Variants in MAFB observed in about 807,000 individuals in gnomAD.
The protein encoded by MAFB is transcription factor MafB.
In MAFB, 3 loss-of-function variants were observed where a neutral mutation model predicts 17.7. That is an observed-to-expected ratio of 0.17 (90% CI 0.08 to 0.44). MAFB has a LOEUF of 0.44. Ranked by LOEUF, MAFB falls within the 20% of genes least tolerant of loss-of-function variation. MAFB has a pLI of 0.99. For synonymous variants in MAFB, 214 were observed against 211.5 expected (o/e 1.01, Z -0.10); for missense variants, 355 against 461.3 (o/e 0.77, Z 2.11).
chr20:40,686,314 C>A lies in MAFB; in HGVS notation c.*1565G>T. ...AAAAAAAAGTAATAATAAAGAAAAACACCCATATCTTCCCTATAACTACTA... is the reference window on the plus strand; with the variant it reads ...AAAAAAAAGTAATAATAAAGAAAAAAACCCATATCTTCCCTATAACTACTA... On this transcript the variant is annotated 3_prime_UTR_variant, in exon 1 of 1. Coordinates refer to ENST00000373313, the MANE Select transcript of MAFB (RefSeq NM_005461.5). 1 of 232,804 alleles carries A rather than the reference C, an allele frequency of 4.3e-6. No individual in the cohort carries two copies. Among genetic ancestry groups the A allele is most frequent in the Non-Finnish European group, 8.4e-6 (1 of 118,610 alleles). 14.4% of individuals were successfully genotyped at this position (232,804 alleles called of 1,614,324 possible). A position where few individuals can be genotyped will look rare whatever the true frequency, so the allele number is the denominator to read the frequency against.
rs367822860 is a variant in MAFB, at chr20:40,686,746, C to T, written c.*1133G>A. 2 of 398,608 alleles carry T rather than the reference C, an allele frequency of 5.0e-6. No individual in the cohort carries two copies. Among genetic ancestry groups the T allele is most frequent in the South Asian group, 1.3e-4 (1 of 7,852 alleles). 24.7% of individuals were successfully genotyped at this position (398,608 alleles called of 1,614,324 possible). A position where few individuals can be genotyped will look rare whatever the true frequency, so the allele number is the denominator to read the frequency against. The stretch of plus-strand genomic sequence containing the variant: ...TAGTCCAGAACACTCCTCTGGGGTG[C>T]GGAGCTTGGCAGCTTCCCTGCCCTG... On this transcript the variant is annotated 3_prime_UTR_variant, in exon 1 of 1. Transcript: ENST00000373313.
In MAFB at chr20:40,686,797, G is replaced by C. The variant is rs889682257; in HGVS notation, c.*1082C>G. 1.0e-5 allele frequency: 4 copies of C among 398,502 alleles called. No individual in the cohort carries two copies. The highest frequency in any genetic ancestry group is 1.8e-5 in the Non-Finnish European group (4 of 226,076). 24.7% of individuals were successfully genotyped at this position (398,502 alleles called of 1,614,324 possible). On this transcript the variant is annotated 3_prime_UTR_variant, in exon 1 of 1. Coordinates refer to ENST00000373313, the MANE Select transcript of MAFB (RefSeq NM_005461.5). ...CCCTGCCCTTGTACTGGGACCTCTC[G>C]GTTCTCTCTCTCAGCACCAACAAGG...
rs561128624 is a variant in MAFB, at chr20:40,687,102, G to A, written c.*777C>T. 2.5e-6 allele frequency: 1 copy of A among 398,954 alleles called. No homozygotes were observed. The highest frequency in any genetic ancestry group is 1.3e-4 in the South Asian group (1 of 7,850). The allele number at this position is 398,954 out of a possible 1,614,324, so 24.7% of individuals were successfully genotyped here. A position where few individuals can be genotyped will look rare whatever the true frequency, so the allele number is the denominator to read the frequency against. On this transcript the variant is annotated 3_prime_UTR_variant, in exon 1 of 1. Coordinates refer to ENST00000373313, the MANE Select transcript of MAFB (RefSeq NM_005461.5). ...ACTGAAACCCCGCACGCAGCCGCCGGAGTTTCCAAACTGCGATCCCTTCTC... is the reference window on the plus strand; with the variant it reads ...ACTGAAACCCCGCACGCAGCCGCCGAAGTTTCCAAACTGCGATCCCTTCTC...
rs1428574682 is a variant in MAFB at position 40,687,035 on chromosome 20, A to G, written c.*844T>C. 5.0e-6 allele frequency: 2 copies of G among 398,714 alleles called. No homozygotes were observed. Among genetic ancestry groups the G allele is most frequent in the African/African-American group, 2.1e-5 (1 of 48,526 alleles). 24.7% of individuals were successfully genotyped at this position (398,714 alleles called of 1,614,324 possible). On this transcript the variant is annotated 3_prime_UTR_variant, in exon 1 of 1. Coordinates refer to ENST00000373313, the MANE Select transcript of MAFB (RefSeq NM_005461.5). Reference sequence around the variant, plus strand: ...CCCTCAGCTTGCTGCCACGTTCTCTATGCGGTTTGGCGGGGCGGGTATTTA... The same window carrying G: ...CCCTCAGCTTGCTGCCACGTTCTCTGTGCGGTTTGGCGGGGCGGGTATTTA...
At position 40,687,590 on chromosome 20, in the gene MAFB, TG is replaced by T; in HGVS notation, c.*288del. 3.6e-6 allele frequency: 2 copies of T among 557,090 alleles called. No homozygotes were observed. Among genetic ancestry groups the T allele is most frequent in the Non-Finnish European group, 6.4e-6 (2 of 313,360 alleles). The allele number at this position is 557,090 out of a possible 1,614,324, so 34.5% of individuals were successfully genotyped here. ...GACTATGCCTCGCCGCCCTTCAGCC[TG>T]GAGAGAAGTTACTCCGGGACCTCCC... On this transcript the variant is annotated 3_prime_UTR_variant, in exon 1 of 1. Transcript: ENST00000373313.
Position 40,689,074 on chromosome 20 carries a change from C to G in MAFB, c.-224G>C. On this transcript the variant is annotated 5_prime_UTR_variant, in exon 1 of 1. Coordinates refer to ENST00000373313, the MANE Select transcript of MAFB (RefSeq NM_005461.5). ...GCCCCAGAGCTCTGGGCTGTGCCCG[C>G]GCAGGGACCGGGCCGGGTAGAGTCG... 2 of 543,786 alleles carry G rather than the reference C, an allele frequency of 3.7e-6. No individual in the cohort carries two copies. Among genetic ancestry groups the G allele is most frequent in the Admixed American group, 8.8e-5 (2 of 22,634 alleles). 33.7% of individuals were successfully genotyped at this position (543,786 alleles called of 1,614,324 possible).
In MAFB at chr20:40,688,459, T is replaced by C. The variant is rs1986892096; in HGVS notation, c.392A>G (p.His131Arg). ...AGGGTGGTGGTGATGGTGGTGGTGG[T>C]GAGCGCCGCGAAAGCTGTCGAAGCT... is the stretch of plus-strand genomic sequence containing the variant. ...LQSFDSFRGA[H>R]HHHHHHHPHP... Residue 131 changes from histidine (H) to arginine (R), a missense_variant, in exon 1 of 1, where the codon CAC becomes CGC. Coordinates refer to ENST00000373313, the MANE Select transcript of MAFB (RefSeq NM_005461.5). 1.2e-6 allele frequency: 2 copies of C among 1,603,422 alleles called. No individual in the cohort carries two copies. The highest frequency in any genetic ancestry group is 1.7e-6 in the Non-Finnish European group (2 of 1,178,424).
chr20:40,688,605 G>C lies in MAFB; in HGVS notation c.246C>G (p.Leu82=), dbSNP rs1338524617. 1 of 1,614,096 alleles carries C rather than the reference G, an allele frequency of 6.2e-7. No homozygotes were observed. The highest frequency in any genetic ancestry group is 1.3e-5 in the African/African-American group (1 of 75,052). ...TGCTCGCCATCCAGTACAGATCCTC[G>C]AGGTGTGTCTTCTGTTCGGTCGGGC... ...SFSPTEQKTH[L]EDLYWMASNY... is the part of the protein sequence containing the mutation. Residue 82 remains leucine, a synonymous_variant, in exon 1 of 1, where the codon CTC becomes CTG. Transcript: ENST00000373313.
At position 40,688,635 on chromosome 20, in the gene MAFB, GC is replaced by G; in HGVS notation, c.215del (p.Ser72ThrfsTer24). ...GTGTCTTCTGTTCGGTCGGGCTGAAGCTGGGCGACGAGGGCACGGAGCTACA... is the reference window on the plus strand; with the variant it reads ...GTGTCTTCTGTTCGGTCGGGCTGAAGTGGGCGACGAGGGCACGGAGCTACA... ...TPCSSVPSSP[S>X]FSPTEQKTHL... On this transcript the variant is annotated frameshift_variant, in exon 1 of 1. Transcript: ENST00000373313. LOFTEE classifies it high-confidence loss of function. 1 of 1,614,088 alleles carries G rather than the reference GC, an allele frequency of 6.2e-7. No homozygotes were observed. Among genetic ancestry groups the G allele is most frequent in the Non-Finnish European group, 8.5e-7 (1 of 1,179,958 alleles).
At position 40,688,342 on chromosome 20, in the gene MAFB, G is replaced by A; in HGVS notation, c.509C>T (p.Ser170Leu). ...HPHHHHHHQA[S>L]PPPSSAASPA... is the part of the protein sequence containing the mutation. ...GCTAGCGGCGCTGGACGGCGGCGGC[G>A]ACGCTTGGTGATGATGGTGATGGTG... The change falls in exon 1 of 1, where the codon TCG (serine) becomes TTG (leucine). Residue 170 changes from serine (S) to leucine (L), a missense_variant. Physicochemically the swap from Ser to Leu is moderately radical, Grantham distance 145. This residue lies in a region of MAFB where 285 missense variants were observed against 350.0 expected (regional missense o/e 0.81). Transcript: ENST00000373313. 1 of 1,515,808 alleles carries A rather than the reference G, an allele frequency of 6.6e-7. No individual in the cohort carries two copies. The allele number at this position is 1,515,808 out of a possible 1,614,324, so 93.9% of individuals were successfully genotyped here.
Position 40,686,707 on chromosome 20 carries a change from A to T in MAFB, c.*1172T>A, listed in dbSNP as rs756396103. 2.5e-5 allele frequency: 10 copies of T among 398,538 alleles called. No individual in the cohort carries two copies. 24.7% of individuals were successfully genotyped at this position (398,538 alleles called of 1,614,324 possible). On this transcript the variant is annotated 3_prime_UTR_variant, in exon 1 of 1. Transcript: ENST00000373313. ...TCTTATTAAGGGTATCAATTTGACC[A>T]TAAGACAAGGCTGTAGTCCAGAACA...
rs1986819737 is a variant in MAFB, at chr20:40,685,932, A to C, written c.*1947T>G. On this transcript the variant is annotated 3_prime_UTR_variant, in exon 1 of 1. Coordinates refer to ENST00000373313, the MANE Select transcript of MAFB (RefSeq NM_005461.5). Reference sequence around the variant, plus strand: ...AACCAAAAAACAGAAACCAGTCTGAATAAAACTACAATAGACTAGGTTTTA... The same window carrying C: ...AACCAAAAAACAGAAACCAGTCTGACTAAAACTACAATAGACTAGGTTTTA... 5.4e-6 allele frequency: 1 copy of C among 185,268 alleles called. No homozygotes were observed. Among genetic ancestry groups the C allele is most frequent in the Non-Finnish European group, 1.1e-5 (1 of 87,228 alleles). The allele number at this position is 185,268 out of a possible 1,614,324, so 11.5% of individuals were successfully genotyped here. A position where few individuals can be genotyped will look rare whatever the true frequency, so the allele number is the denominator to read the frequency against.
rs1419380581 is a variant in MAFB at position 40,688,277 on chromosome 20, G to T, written c.574C>A (p.Pro192Thr). The change falls in exon 1 of 1, where the codon CCG (proline) becomes ACG (threonine). Residue 192 changes from proline (P) to threonine (T), a missense_variant. Pro to Thr is a conservative substitution (Grantham distance 38). This residue lies in a region of MAFB where 285 missense variants were observed against 350.0 expected (regional missense o/e 0.81). Coordinates refer to ENST00000373313, the MANE Select transcript of MAFB (RefSeq NM_005461.5). The stretch of plus-strand genomic sequence containing the variant: ...GCCGTCGCCGAGGCCGTCGCGTGCG[G>T]CCCGGGCCCGGGGTGGCTAGTGGGC... ...QLPTSHPGPG[P>T]HATASATAAG... The T allele has an allele frequency of 2.6e-6, 4 of 1,543,238 alleles. No individual in the cohort carries two copies. The highest frequency in any genetic ancestry group is 3.5e-6 in the Non-Finnish European group (4 of 1,151,264).
chr20:40,687,455 T>C lies in MAFB; in HGVS notation c.*424A>G. 1 of 361,174 alleles carries C rather than the reference T, an allele frequency of 2.8e-6. No homozygotes were observed. Among genetic ancestry groups the C allele is most frequent in the Non-Finnish European group, 4.9e-6 (1 of 202,758 alleles). 22.4% of individuals were successfully genotyped at this position (361,174 alleles called of 1,614,324 possible). A position where few individuals can be genotyped will look rare whatever the true frequency, so the allele number is the denominator to read the frequency against. On this transcript the variant is annotated 3_prime_UTR_variant, in exon 1 of 1. Coordinates refer to ENST00000373313, the MANE Select transcript of MAFB (RefSeq NM_005461.5). ...GCCAGAGTCCCTCTCCTTTCCTCGTTGCTCTCTTCCTGGCGCGGACTACTC... is the reference window on the plus strand; with the variant it reads ...GCCAGAGTCCCTCTCCTTTCCTCGTCGCTCTCTTCCTGGCGCGGACTACTC...
rs1986920050 is a variant in MAFB, at chr20:40,689,168, TCGCTCTCTAGCTCTCTTGCTCTTA to T, written c.-342_-319del. ...GAGGCGTGGGGCGAGTGCCCGTTGC[TCGCTCTCTAGCTCTCTTGCTCTTA>T]CGCTCTCTCGCTCGCAGCCGCTCGC... is the stretch of plus-strand genomic sequence containing the variant. On this transcript the variant is annotated 5_prime_UTR_variant, in exon 1 of 1. Transcript: ENST00000373313. The T allele has an allele frequency of 5.2e-6, 2 of 382,608 alleles. No individual in the cohort carries two copies. 23.7% of individuals were successfully genotyped at this position (382,608 alleles called of 1,614,324 possible).
At position 40,689,121 on chromosome 20, in the gene MAFB, G is replaced by A. The variant is rs1012354288; in HGVS notation, c.-271C>T. Reference sequence around the variant, plus strand: ...GTCGGGCGGGGTGGAGAGGCAAGCGGAGCGCGCGGTGGGGCTGAGGGGAGG... The same window carrying A: ...GTCGGGCGGGGTGGAGAGGCAAGCGAAGCGCGCGGTGGGGCTGAGGGGAGG... On this transcript the variant is annotated 5_prime_UTR_variant, in exon 1 of 1. Coordinates refer to ENST00000373313, the MANE Select transcript of MAFB (RefSeq NM_005461.5). 4.6e-6 allele frequency: 2 copies of A among 436,692 alleles called. No homozygotes were observed. Among genetic ancestry groups the A allele is most frequent in the Non-Finnish European group, 4.0e-6 (1 of 252,294 alleles). 27.1% of individuals were successfully genotyped at this position (436,692 alleles called of 1,614,324 possible).
At position 40,686,492 on chromosome 20, in the gene MAFB, A is replaced by G; in HGVS notation, c.*1387T>C. 1 of 391,132 alleles carries G rather than the reference A, an allele frequency of 2.6e-6. No homozygotes were observed. Among genetic ancestry groups the G allele is most frequent in the Non-Finnish European group, 4.5e-6 (1 of 221,880 alleles). 24.2% of individuals were successfully genotyped at this position (391,132 alleles called of 1,614,324 possible). Reference sequence around the variant, plus strand: ...TTTGGGTTTCTGGTACATTCTGAGCATAGCAGTTGGTTCAGTGCAGTGTCT... The same window carrying G: ...TTTGGGTTTCTGGTACATTCTGAGCGTAGCAGTTGGTTCAGTGCAGTGTCT... On this transcript the variant is annotated 3_prime_UTR_variant, in exon 1 of 1. Coordinates refer to ENST00000373313, the MANE Select transcript of MAFB (RefSeq NM_005461.5).
rs745639181 is a variant in MAFB at position 40,688,723 on chromosome 20, C to A, written c.128G>T (p.Gly43Val). Residue 43 changes from glycine (G) to valine (V), a missense_variant, in exon 1 of 1, where the codon GGC (glycine) becomes GTC (valine). Physicochemically the swap from Gly to Val is moderately radical, Grantham distance 109 (BLOSUM62 -3). This residue lies in a region of MAFB where 285 missense variants were observed against 350.0 expected (regional missense o/e 0.81). Coordinates refer to ENST00000373313, the MANE Select transcript of MAFB (RefSeq NM_005461.5). Reference sequence around the variant, plus strand: ...TGGCTGCAGGCGTGTGCAGGGCCTGCCCGGACGCTCCGCGCGCCCCAGTGG... The same window carrying A: ...TGGCTGCAGGCGTGTGCAGGGCCTGACCGGACGCTCCGCGCGCCCCAGTGG... ...KEPLGRAERP[G>V]RPCTRLQPAG... is the part of the protein sequence containing the mutation. 1 of 1,613,750 alleles carries A rather than the reference C, an allele frequency of 6.2e-7. No individual in the cohort carries two copies. Among genetic ancestry groups the A allele is most frequent in the African/African-American group, 1.3e-5 (1 of 74,944 alleles).
chr20:40,686,927 T>C lies in MAFB; in HGVS notation c.*952A>G, dbSNP rs748130666. 2.5e-6 allele frequency: 1 copy of C among 396,998 alleles called. No homozygotes were observed. The allele number at this position is 396,998 out of a possible 1,614,324, so 24.6% of individuals were successfully genotyped here. A position where few individuals can be genotyped will look rare whatever the true frequency, so the allele number is the denominator to read the frequency against. On this transcript the variant is annotated 3_prime_UTR_variant, in exon 1 of 1. Transcript: ENST00000373313. ...GCCCCAAGACAAAGTTGTTTTCTGA[T>C]GCAAAATGCCCGGAACTTTTTCTTT...
Sources: allele counts gnomAD v4.1 joint callset, GRCh38; gene constraint gnomAD v4.1.1; regional missense constraint gnomAD v4.1.1; transcripts MANE v1.5; gene names NCBI Gene and HGNC (gene_info 2026-07-23, HGNC 2026-07-21).